CYTH4: variants seen among roughly 807,000 people sequenced by gnomAD.
The protein encoded by CYTH4 is cytohesin-4.
Under a neutral mutation model 57.5 loss-of-function variants are expected in CYTH4, and 22 were observed. The ratio of observed to expected loss-of-function variants is 0.38; its 90% CI spans 0.27 to 0.55. The LOEUF is 0.55. CYTH4 is among the 20% of genes least tolerant of loss of function. The pLI, the probability that CYTH4 is intolerant of heterozygous loss-of-function variation, is 0.74. For synonymous variants in CYTH4, 186 were observed against 206.5 expected, an observed-to-expected ratio of 0.90 and a Z score of 0.85; for missense variants, 420 against 535.6, an observed-to-expected ratio of 0.78 and a Z score of 2.13.
At position 37,313,756 on chromosome 22, in the gene CYTH4, C is replaced by T. The variant is rs945674033; in HGVS notation, c.*245C>T. 1.1e-5 allele frequency: 6 copies of T among 547,158 alleles called. No homozygotes were observed. The highest frequency in any genetic ancestry group is 6.1e-5 in the East Asian group (2 of 32,528). The allele number at this position is 547,158 out of a possible 1,614,324, so 33.9% of individuals were successfully genotyped here. ...CACCCAGCTGCAGGCCCCTGCCCTA[C>T]GTGCACTACAGGAAGGGGTGAGGAG... On this transcript the variant is annotated 3_prime_UTR_variant, in exon 13 of 13. Coordinates refer to ENST00000248901, the MANE Select transcript of CYTH4 (RefSeq NM_013385.5).
chr22:37,298,573 C>G lies in CYTH4; in HGVS notation c.354-653C>G, dbSNP rs1440283309. Among the ~76,000 whole-genome samples, 1 of 151,902 alleles carries G rather than the reference C, an allele frequency of 6.6e-6. No homozygotes were observed. Among genetic ancestry groups the G allele is most frequent in the Non-Finnish European group, 1.5e-5 (1 of 67,982 alleles). On this transcript the variant is annotated intron_variant, in intron 5 of 12. Transcript: ENST00000248901. This position sits in a 1 kb window ranked among gnomAD's most constrained non-coding sequence, Gnocchi z 4.1. ...GTCCAGGAGTAGCAAGTAAAAAGGC[C>G]CTGGGGTCAGAAACAGGCTCAAGAA...
At chr22:37,290,752 C>T (rs1928720990) in intron 1 of CYTH4, among the ~76,000 whole-genome samples, 1 of 152,200 alleles carries the variant, frequency 6.6e-6, no homozygotes. Flanking sequence ...TCGTGACCCG[C>T]CCGCCTCGGC....
chr22:37,310,217 G>A (rs1040580940), intron 9 of CYTH4, among the ~76,000 whole-genome samples: 5 of 151,918 alleles, frequency 3.3e-5, no homozygotes, highest in Admixed American at 2.0e-4. Flanking sequence ...GCACTCGGCC[G>A]CCTGTCCTGC....
At position 37,311,233 on chromosome 22, in the gene CYTH4, C is replaced by T. The variant is rs150532004; in HGVS notation, c.885+169C>T. On this transcript the variant is annotated intron_variant, in intron 10 of 12. Coordinates refer to ENST00000248901, the MANE Select transcript of CYTH4 (RefSeq NM_013385.5). This position sits in a 1 kb window ranked among gnomAD's most constrained non-coding sequence, Gnocchi z 4.4. ...GGAAAACGGGTACACAGAGGAGGGC[C>T]GGGCCAAGGTCCTAGGCAGAGCCCA... 2.2e-3 allele frequency among the ~76,000 whole-genome samples: 337 copies of T among 152,352 alleles called. 2 individuals carry two copies. The highest frequency in any genetic ancestry group is 7.8e-3 in the African/African-American group (325 of 41,580).
Position 37,292,718 on chromosome 22 carries a change from G to A in CYTH4, c.102+15G>A, listed in dbSNP as rs376472279. 32 of 1,612,240 alleles carry A rather than the reference G, an allele frequency of 2.0e-5. No homozygotes were observed. The highest frequency in any genetic ancestry group is 3.3e-5 in the South Asian group (3 of 91,070). ...AGGACATCCAGGTGAGTGCACACTC[G>A]TGTCCACACACGTGTCCATGCCCAC... On this transcript the variant is annotated intron_variant, in intron 2 of 12. Coordinates refer to ENST00000248901, the MANE Select transcript of CYTH4 (RefSeq NM_013385.5).
At position 37,312,193 on chromosome 22, in the gene CYTH4, TG is replaced by T; in HGVS notation, c.1112+23del. ...CCATCCGGTAAGGGGTGCCCAGGTC[TG>T]GGGACGGCTTCCCGTCACCTTCCAG... On this transcript the variant is annotated intron_variant, in intron 12 of 12. Coordinates refer to ENST00000248901, the MANE Select transcript of CYTH4 (RefSeq NM_013385.5). 1 of 1,607,636 alleles carries T rather than the reference TG, an allele frequency of 6.2e-7. No homozygotes were observed. The highest frequency in any genetic ancestry group is 8.5e-7 in the Non-Finnish European group (1 of 1,174,540).
chr22:37,310,700 A>G (rs1467412869), intron 9 of CYTH4, among the ~76,000 whole-genome samples: 1 of 152,260 alleles, frequency 6.6e-6, no homozygotes, highest in Non-Finnish European at 1.5e-5. Context: ...GGATGGCGGT[A>G]GCCAGGAAGA....
At chr22:37,296,164 C>G (rs1470792376) in intron 4 of CYTH4, 99 bp downstream of exon 4, 1 of 1,247,710 alleles carries the variant, frequency 8.0e-7, no homozygotes, top group Admixed American at 2.2e-5. Flanking sequence ...CGACCCCTTT[C>G]CAGAGGAGGA....
At chr22:37,307,064 GA>G (rs991302485) in intron 8 of CYTH4, among the ~76,000 whole-genome samples, 1 of 152,228 alleles carries the variant, frequency 6.6e-6, no homozygotes, top group Admixed American at 6.5e-5. Flanking sequence ...GGTGGGGGTG[GA>G]GGGACACAGA....
chr22:37,299,968 G>C (rs947271187), intron 6 of CYTH4: 1 of 693,260 alleles, frequency 1.4e-6, no homozygotes, highest in East Asian at 2.7e-5. Flanking sequence ...TCCAGCCTGG[G>C]CAACAGAGTG....
intron 5 of CYTH4, chr22:37,297,999 G>C (rs1428317723): frequency 9.0e-6 from 2 of 223,074 alleles, no homozygotes; most frequent in Non-Finnish European, 1.8e-5. Flanking sequence ...GGAGAGACAG[G>C]TCTCAATAGT....
Position 37,311,427 on chromosome 22 carries a change from C to A in CYTH4, c.886-29C>A. On this transcript the variant is annotated intron_variant, in intron 10 of 12. Coordinates refer to ENST00000248901, the MANE Select transcript of CYTH4 (RefSeq NM_013385.5). This position sits in a 1 kb window ranked among gnomAD's most constrained non-coding sequence, Gnocchi z 4.4. The stretch of plus-strand genomic sequence containing the variant: ...TGGGCCTCAGGGTTCCGCTTCCTGA[C>A]CCTGACCTTCCTTCCCCTTTCCCTG... 2 of 1,607,662 alleles carry A rather than the reference C, an allele frequency of 1.2e-6. No homozygotes were observed. The highest frequency in any genetic ancestry group is 8.5e-7 in the Non-Finnish European group (1 of 1,174,178).
At chr22:37,285,592 T>A (rs1928527870) in intron 1 of CYTH4, among the ~76,000 whole-genome samples, 1 of 151,724 alleles carries the variant, frequency 6.6e-6, no homozygotes, top group South Asian at 2.1e-4. Flanking sequence ...GCGCCTGTAA[T>A]CCCAGCTACT....
rs3203726 is a variant in CYTH4 at position 37,313,972 on chromosome 22, C to T, written c.*461C>T. 92,194 of 239,324 alleles carry T rather than the reference C, an allele frequency of 0.39. 18,582 individuals are homozygous for T. The highest frequency in any genetic ancestry group is 0.64 in the South Asian group (5,470 of 8,514). The allele number at this position is 239,324 out of a possible 1,614,324, so 14.8% of individuals were successfully genotyped here. Reference sequence around the variant, plus strand: ...TTTTCAGGGATATCTCTGCCAACCCCTCCCCTGTCCTCGGGTTGGGCTTGG... The same window carrying T: ...TTTTCAGGGATATCTCTGCCAACCCTTCCCCTGTCCTCGGGTTGGGCTTGG... On this transcript the variant is annotated 3_prime_UTR_variant, in exon 13 of 13. Coordinates refer to ENST00000248901, the MANE Select transcript of CYTH4 (RefSeq NM_013385.5).
At chr22:37,308,802 G>T (rs1485898464) in intron 8 of CYTH4, among the ~76,000 whole-genome samples, 1 of 152,016 alleles carries the variant, frequency 6.6e-6, no homozygotes, top group Non-Finnish European at 1.5e-5. Flanking sequence ...GAACATGCAT[G>T]TGTGTGCATG....
At position 37,313,474 on chromosome 22, in the gene CYTH4, TCTCTA is replaced by T; in HGVS notation, c.1152_1156del (p.Thr385GlufsTer77). 6.2e-7 allele frequency: 1 copy of T among 1,614,136 alleles called. No individual in the cohort carries two copies. The highest frequency in any genetic ancestry group is 1.3e-5 in the African/African-American group (1 of 75,022). ...ACCCGTGTCCCCTTCTACGACCTGG[TCTCTA>T]CTCGGAAGAAGAAGATTGCCAGCAA... On this transcript the variant is annotated frameshift_variant, in exon 13 of 13. Transcript: ENST00000248901. LOFTEE classifies it high-confidence loss of function.
intron 12 of CYTH4, 123 bp downstream of exon 12, chr22:37,312,297 G>A: frequency 7.3e-7 from 1 of 1,361,116 alleles, no homozygotes; most frequent in South Asian, 1.4e-5. Context: ...GTTTCTGGCT[G>A]GCAAACCCCT....
At chr22:37,291,314 A>C (rs1435906790) in intron 1 of CYTH4, among the ~76,000 whole-genome samples, 1 of 152,190 alleles carries the variant, frequency 6.6e-6, no homozygotes, top group Non-Finnish European at 1.5e-5. Flanking sequence ...GCATCTCCGC[A>C]TGGGGCTTTA....
rs954448229 is a variant in CYTH4, at chr22:37,295,016, A to G, written c.167+292A>G. ...CCAGCCCTGACCGATCACTGGCCAC[A>G]TCCACCCTGGGATGGGCGGGGAGAA... On this transcript the variant is annotated intron_variant, in intron 3 of 12. Coordinates refer to ENST00000248901, the MANE Select transcript of CYTH4 (RefSeq NM_013385.5). The surrounding 1 kb of genome is among the most constrained non-coding windows in gnomAD (Gnocchi z 4.1). 6.6e-6 allele frequency among the ~76,000 whole-genome samples: 1 copy of G among 152,032 alleles called. No individual in the cohort carries two copies. Among genetic ancestry groups the G allele is most frequent in the Non-Finnish European group, 1.5e-5 (1 of 67,998 alleles).
Sources: gnomAD v4.1 joint callset for allele counts (sites outside exome capture counted in the v4.1 genomes callset) on GRCh38, gnomAD v4.1.1 for gene constraint, Gnocchi (gnomAD v3.1) non-coding constraint, MANE v1.5 for transcripts, NCBI Gene and HGNC (gene_info 2026-07-23, HGNC 2026-07-21) for gene names.